Variants in UBE2Q1 observed in about 807,000 individuals in gnomAD.
The protein encoded by UBE2Q1 is ubiquitin-conjugating enzyme E2 Q1.
Under a neutral mutation model 60.1 loss-of-function variants are expected in UBE2Q1, and 6 were observed. That is an observed-to-expected ratio of 0.10 (90% CI 0.05 to 0.20). The LOEUF (loss-of-function observed/expected upper bound fraction) is 0.20, where lower values mean the gene tolerates loss of function less well. UBE2Q1 is among the 10% of genes least tolerant of loss of function. UBE2Q1 has a pLI of 1.00. For missense variants in UBE2Q1, 262 were observed against 525.8 expected (o/e 0.50, Z 4.91); for synonymous variants, 226 against 208.3 (o/e 1.09, Z -0.73).
At chr1:154,550,830 G>T in intron 12 of UBE2Q1, 108 bp downstream of exon 12, 1 of 1,595,550 alleles carries the variant, frequency 6.3e-7, no homozygotes, top group Admixed American at 1.7e-5. Context: ...GTGTTAATGG[G>T]TGGTTGAGTA....
In UBE2Q1 at chr1:154,550,036, A is replaced by C. The variant is rs1443661701; in HGVS notation, c.*402T>G. On this transcript the variant is annotated 3_prime_UTR_variant, in exon 13 of 13. Coordinates refer to ENST00000292211, the MANE Select transcript of UBE2Q1 (RefSeq NM_017582.7). ...CCAAAGATACATTTTTTTCATACACATCCATCATACACTGTAACCAAAAAA... is the reference window on the plus strand; with the variant it reads ...CCAAAGATACATTTTTTTCATACACCTCCATCATACACTGTAACCAAAAAA... 1 of 168,756 alleles carries C rather than the reference A, an allele frequency of 5.9e-6. No individual in the cohort carries two copies. The highest frequency in any genetic ancestry group is 2.4e-5 in the African/African-American group (1 of 42,198). The allele number at this position is 168,756 out of a possible 1,614,324, so 10.5% of individuals were successfully genotyped here.
intron 1 of UBE2Q1, among the ~76,000 whole-genome samples, chr1:154,556,780 G>A (rs533127810): frequency 6.6e-6 from 1 of 152,328 alleles, no homozygotes; most frequent in East Asian, 1.9e-4. Flanking sequence ...TCCTGCCAGG[G>A]ACAAACGCAG....
Position 154,554,743 on chromosome 1 carries a change from TCTC to T in UBE2Q1, c.577_579del (p.Glu193del), listed in dbSNP as rs1237953651. 9.3e-6 allele frequency: 15 copies of T among 1,613,374 alleles called. No individual in the cohort carries two copies. The highest frequency in any genetic ancestry group is 1.1e-5 in the Non-Finnish European group (13 of 1,179,548). On this transcript the variant is annotated inframe_deletion, in exon 4 of 13. Coordinates refer to ENST00000292211, the MANE Select transcript of UBE2Q1 (RefSeq NM_017582.7). ...TCAGGGGGCAAGCCTACCTCAGGCA[TCTC>T]CTCATCTTCATCTTCTGAAGACACG...
intron 10 of UBE2Q1, 95 bp from the exon 11 acceptor site, chr1:154,551,587 G>C: frequency 6.7e-7 from 1 of 1,484,204 alleles, no homozygotes; most frequent in African/African-American, 1.4e-5. Context: ...GTCTATAGGA[G>C]GGCCCTTGCC....
chr1:154,553,790 TAGCTCACTG>T (rs1695836874), intron 4 of UBE2Q1: 1 of 152,484 alleles, frequency 6.6e-6, no homozygotes, highest in South Asian at 2.1e-4. Context: ...AGCAAGCAAC[TAGCTCACTG>T]AGCATAGGGA....
chr1:154,553,241 C>T, intron 4 of UBE2Q1, 69 bp from the exon 5 acceptor site: 2 of 1,561,886 alleles, frequency 1.3e-6, no homozygotes, highest in Non-Finnish European at 1.7e-6. Flanking sequence ...GAATGACCAT[C>T]ACCTTCCCAG....
In UBE2Q1 at chr1:154,550,409, G is replaced by A. The variant is rs1332273736; in HGVS notation, c.*29C>T. The A allele has an allele frequency of 3.1e-6, 5 of 1,614,000 alleles. No individual in the cohort carries two copies. The highest frequency in any genetic ancestry group is 4.2e-6 in the Non-Finnish European group (5 of 1,179,904). ...AAAGGTAATTGGTCCAGTGGTGCCT[G>A]GGGAGGGAGGAAGGGTGATACTCCA... On this transcript the variant is annotated 3_prime_UTR_variant, in exon 13 of 13. Coordinates refer to ENST00000292211, the MANE Select transcript of UBE2Q1 (RefSeq NM_017582.7).
At chr1:154,552,591 A>G in intron 6 of UBE2Q1, 127 bp from the exon 7 acceptor site, 2 of 1,431,632 alleles carry the variant, frequency 1.4e-6, no homozygotes, top group Non-Finnish European at 1.9e-6. Flanking sequence ...ATGGACATGC[A>G]ACCAAGCCAC....
chr1:154,551,575 G>A, intron 10 of UBE2Q1, 83 bp from the exon 11 acceptor site: 2 of 1,510,696 alleles, frequency 1.3e-6, no homozygotes, highest in South Asian at 2.3e-5. Flanking sequence ...GCAATCAGCT[G>A]TGTCTATAGG....
intron 1 of UBE2Q1, 147 bp downstream of exon 1, chr1:154,558,080 C>G: frequency 1.6e-6 from 1 of 622,198 alleles, no homozygotes. Flanking sequence ...CCTCAAGCAG[C>G]AGAAACAAAT....
intron 11 of UBE2Q1, 114 bp from the exon 12 acceptor site, chr1:154,551,118 C>T: frequency 8.3e-7 from 1 of 1,210,608 alleles, no homozygotes; most frequent in South Asian, 1.2e-5. Flanking sequence ...GCACTGTGGT[C>T]TAGTAAAACA....
At position 154,552,921 on chromosome 1, in the gene UBE2Q1, G is replaced by A. The variant is rs1022445060; in HGVS notation, c.730-101C>T. The stretch of plus-strand genomic sequence containing the variant: ...GGCAGCTTGCCCAGGATTTAAGAAA[G>A]GATTAGGCACAAAAAAGGAGTCTGC... On this transcript the variant is annotated intron_variant, in intron 5 of 12. Transcript: ENST00000292211. 5.7e-6 allele frequency: 9 copies of A among 1,588,310 alleles called. No homozygotes were observed. The East Asian group carries it at 1.6e-4, about 28-fold the overall frequency.
intron 3 of UBE2Q1, among the ~76,000 whole-genome samples, chr1:154,555,189 T>C (rs1695861652): frequency 6.6e-6 from 1 of 152,154 alleles, no homozygotes; most frequent in African/African-American, 2.4e-5. Context: ...CCGCTCCCTT[T>C]CAACATCTGG....
In UBE2Q1 at chr1:154,558,429, C is replaced by T. The variant is rs1463087988; in HGVS notation, c.125G>A (p.Arg42Lys). ...GGACTCGAGCAGCTTCAGCTCTCGC[C>T]TCAGGCAGGGCCCCGGCCCCGGGCC... is the stretch of plus-strand genomic sequence containing the variant. ...GGGPGPGPCL[R>K]RELKLLESIF... Residue 42 changes from arginine to lysine, a missense_variant, in exon 1 of 13, where the codon AGG becomes AAG. Coordinates refer to ENST00000292211, the MANE Select transcript of UBE2Q1 (RefSeq NM_017582.7). The T allele has an allele frequency of 1.3e-6, 2 of 1,502,886 alleles. No individual in the cohort carries two copies. The highest frequency in any genetic ancestry group is 1.3e-5 in the South Asian group (1 of 79,966). The allele number at this position is 1,502,886 out of a possible 1,614,324, so 93.1% of individuals were successfully genotyped here. A position where few individuals can be genotyped will look rare whatever the true frequency, so the allele number is the denominator to read the frequency against.
intron 3 of UBE2Q1, 127 bp downstream of exon 3, chr1:154,555,301 C>T: frequency 1.3e-6 from 1 of 791,456 alleles, no homozygotes; most frequent in Non-Finnish European, 2.2e-6. Flanking sequence ...GGGTGAGAGT[C>T]ATAAGACGTG....
chr1:154,552,384 A>G lies in UBE2Q1; in HGVS notation c.875+20T>C, dbSNP rs1366043224. ...ACACTCCTCCTCAACTTCCTCTCCAATCCCAGAGTCCCCACTCACTTGAGG... is the reference window on the plus strand; with the variant it reads ...ACACTCCTCCTCAACTTCCTCTCCAGTCCCAGAGTCCCCACTCACTTGAGG... On this transcript the variant is annotated intron_variant, in intron 7 of 12. Transcript: ENST00000292211. 1 of 1,613,908 alleles carries G rather than the reference A, an allele frequency of 6.2e-7. No homozygotes were observed. The highest frequency in any genetic ancestry group is 8.5e-7 in the Non-Finnish European group (1 of 1,179,842).
At chr1:154,552,998 C>G in intron 5 of UBE2Q1, 34 bp downstream of exon 5, 1 of 1,611,314 alleles carries the variant, frequency 6.2e-7, no homozygotes, top group South Asian at 1.1e-5. Flanking sequence ...TTCCCACCAA[C>G]CCCTTCACCA....
At chr1:154,552,564 C>G in intron 6 of UBE2Q1, 100 bp from the exon 7 acceptor site, 1 of 1,500,586 alleles carries the variant, frequency 6.7e-7, no homozygotes. Flanking sequence ...AGATCAACAG[C>G]TCTAGGTTCA....
chr1:154,550,978 C>T lies in UBE2Q1; in HGVS notation c.1197G>A (p.Gln399=). 6.2e-7 allele frequency: 1 copy of T among 1,614,154 alleles called. No individual in the cohort carries two copies. The highest frequency in any genetic ancestry group is 2.2e-5 in the East Asian group (1 of 44,882). The change falls in exon 12 of 13, where the codon CAG becomes CAA. Residue 399 remains glutamine, a synonymous_variant. Transcript: ENST00000292211. ...TCTGCACCAAGGACTTGTAGGACTG[C>T]TGTGCTCTTGTCAGACTGTATTGAG... The part of the protein sequence containing the change: ...NKSQYSLTRA[Q]QSYKSLVQIH...
Sources: gnomAD v4.1 joint callset for allele counts (sites outside exome capture counted in the v4.1 genomes callset) on GRCh38, gnomAD v4.1.1 for gene constraint, MANE v1.5 for transcripts, NCBI Gene and HGNC (gene_info 2026-07-23, HGNC 2026-07-21) for gene names.